The following HAUS7 variants were observed in gnomAD, a reference collection of about 807,000 sequenced individuals.
HAUS7 encodes HAUS augmin like complex subunit 7.
HAUS7 carries 3 observed loss-of-function variants against 28.4 expected under a neutral mutation model. That is an observed-to-expected ratio of 0.11 (90% CI 0.05 to 0.27). HAUS7 has a LOEUF of 0.27. Among genes scored for constraint, HAUS7 ranks in the 10% least tolerant of loss-of-function variants. The pLI is 1.00. For missense variants in HAUS7, 284 were observed against 297.3 expected, an observed-to-expected ratio of 0.96 and a Z score of 0.33; for synonymous variants, 165 against 132.1, an observed-to-expected ratio of 1.25 and a Z score of -1.71.
rs1427437757 is a variant in HAUS7, at chrX:153,483,560, C to T, written c.-589+11814G>A. On this transcript the variant is annotated intron_variant, in intron 1 of 5. Transcript: ENST00000370210. ...AGGCGGAGAGGGCAATGCTGAGCCA[C>T]GGAGCCCCAGAGAGGGCCAGGAGGC... 4.8e-6 allele frequency: 3 copies of T among 628,395 alleles called. No homozygotes were observed. The African/African-American group carries it at 7.4e-5, about 15-fold the overall frequency. 51.8% of individuals were successfully genotyped at this position (628,395 alleles called of 1,213,427 possible).
intron 9 of HAUS7, among the ~76,000 whole-genome samples, chrX:153,448,922 G>T (rs923013841): frequency 8.9e-6 from 1 of 112,989 alleles, no homozygotes; most frequent in Admixed American, 9.3e-5. Flanking sequence ...GGAGGCAGGG[G>T]CTGTCCTGAC....
At position 153,469,308 on chromosome X, in the gene HAUS7, C is replaced by T. The variant is rs373343195; in HGVS notation, c.109-47G>A. 4.6e-5 allele frequency: 26 copies of T among 570,968 alleles called. No individual in the cohort carries two copies. The African/African-American group carries it at 5.3e-4, about 12-fold the overall frequency. The allele number at this position is 570,968 out of a possible 1,213,427, so 47.1% of individuals were successfully genotyped here. On this transcript the variant is annotated intron_variant, in intron 1 of 9. Coordinates refer to ENST00000370211, the MANE Select transcript of HAUS7 (RefSeq NM_001385482.1). Reference sequence around the variant, plus strand: ...AACATTCACTGAAAGTCCCAGTGTACATCATTTCATTTTATTTATTTATTT... The same window carrying T: ...AACATTCACTGAAAGTCCCAGTGTATATCATTTCATTTTATTTATTTATTT...
At chrX:153,477,454 G>T (rs1006346701) in intron 1 of HAUS7, among the ~76,000 whole-genome samples, 1 of 113,479 alleles carries the variant, frequency 8.8e-6, no homozygotes, top group African/African-American at 3.2e-5. Flanking sequence ...CCTGGACCAG[G>T]AGGCAGGAGG....
chrX:153,448,156 C>A (rs917214560), intron 9 of HAUS7, among the ~76,000 whole-genome samples: 1 of 110,414 alleles, frequency 9.1e-6, no homozygotes, highest in African/African-American at 3.4e-5. Context: ...ATGTCCAACA[C>A]TGATAGACTG....
At chrX:153,451,054 G>A (rs113388178) in intron 9 of HAUS7, among the ~76,000 whole-genome samples, 144 of 112,403 alleles carry the variant, frequency 1.3e-3, no homozygotes, top group African/African-American at 4.3e-3. Flanking sequence ...GATGCCCGCC[G>A]TAGGCCTGCT....
intron 9 of HAUS7, among the ~76,000 whole-genome samples, chrX:153,448,356 G>T (rs2089191538): frequency 1.1e-5 from 1 of 89,734 alleles, no homozygotes; most frequent in African/African-American, 4.3e-5. Flanking sequence ...AGAACACTTG[G>T]ACACAGGAAG....
At chrX:153,464,754 C>T (rs1033567736) in intron 3 of HAUS7, among the ~76,000 whole-genome samples, 2 of 112,180 alleles carry the variant, frequency 1.8e-5, no homozygotes, top group Non-Finnish European at 3.8e-5. Flanking sequence ...CTGCTGGCAT[C>T]GGCAAAAATC....
At chrX:153,458,455 T>C (rs1457961491) in intron 4 of HAUS7, among the ~76,000 whole-genome samples, 1 of 113,007 alleles carries the variant, frequency 8.8e-6, no homozygotes, top group Non-Finnish European at 1.9e-5. Flanking sequence ...AGATGAGTAG[T>C]TGATTTCCTT....
intron 1 of HAUS7, among the ~76,000 whole-genome samples, chrX:153,477,644 C>G (rs2089570901): frequency 8.9e-6 from 1 of 112,713 alleles, no homozygotes; most frequent in Admixed American, 9.3e-5. Context: ...CGGCAGCTGC[C>G]CCCAGGCAGG....
chrX:153,486,591 G>C, intron 1 of HAUS7: 1 of 964,511 alleles, frequency 1.0e-6, no homozygotes, highest in African/African-American at 2.0e-5. Context: ...TCTTTCCGGG[G>C]TCTTCTCTCC....
At chrX:153,477,780 G>A (rs1422560688) in intron 1 of HAUS7, among the ~76,000 whole-genome samples, 1 of 112,364 alleles carries the variant, frequency 8.9e-6, no homozygotes, top group Non-Finnish European at 1.9e-5. Flanking sequence ...ACGTGGCAGG[G>A]TCCAAATTCA....
chrX:153,495,266 C>T (rs782766923), intron 1 of HAUS7: 2 of 112,019 alleles, frequency 1.8e-5, no homozygotes, highest in African/African-American at 6.5e-5. Context: ...GATCCACGCC[C>T]CTTCATCGCC....
chrX:153,490,429 A>G, intron 1 of HAUS7, among the ~76,000 whole-genome samples: 1 of 113,016 alleles, frequency 8.8e-6, no homozygotes. Flanking sequence ...GGAAGCTTCC[A>G]GAGAGTGGAG....
intron 5 of HAUS7, 157 bp downstream of exon 5, chrX:153,456,980 G>A (rs1157744119): frequency 8.6e-6 from 4 of 464,186 alleles, no homozygotes; most frequent in Non-Finnish European, 7.5e-6. Flanking sequence ...TTGCCCGTAT[G>A]CTGCCCGGCC....
At chrX:153,492,562 A>T (rs1036177422) in intron 1 of HAUS7, among the ~76,000 whole-genome samples, 8 of 111,836 alleles carry the variant, frequency 7.2e-5, no homozygotes, top group Non-Finnish European at 5.7e-5. Context: ...GCAGCCCCCA[A>T]CTTCAGGTAA....
At chrX:153,462,948 G>A in intron 3 of HAUS7, 1 of 438,864 alleles carries the variant, frequency 2.3e-6, no homozygotes. Flanking sequence ...GCAGCTGCCT[G>A]AGGAGTGGAC....
intron 1 of HAUS7, among the ~76,000 whole-genome samples, chrX:153,485,156 G>A (rs782059810): frequency 4.5e-5 from 5 of 111,716 alleles, no homozygotes; most frequent in Non-Finnish European, 9.4e-5. Context: ...CTCCACTATC[G>A]GACAGCGAGG....
Position 153,482,560 on chromosome X carries a change from G to A in HAUS7, c.-588-11415C>T. On this transcript the variant is annotated intron_variant, in intron 1 of 5. Transcript: ENST00000370210. Reference sequence around the variant, plus strand: ...CAAGGGGTGGGTCTGCCCTCTAGGAGGCACACTCGGGAGAGTGCCCAGGGC... The same window carrying A: ...CAAGGGGTGGGTCTGCCCTCTAGGAAGCACACTCGGGAGAGTGCCCAGGGC... 4.1e-6 allele frequency: 3 copies of A among 724,847 alleles called. No homozygotes were observed. In the South Asian group the frequency reaches 2.1e-4, roughly 51 times the overall value. The allele number at this position is 724,847 out of a possible 1,213,427, so 59.7% of individuals were successfully genotyped here.
upstream of HAUS7, chrX:153,470,679 T>C: frequency 1.2e-5 from 12 of 988,415 alleles, no homozygotes; most frequent in South Asian, 1.8e-4. Flanking sequence ...CGACCGACCC[T>C]TCCCATTGGG....
Sources: gnomAD v4.1 joint callset for allele counts (sites outside exome capture counted in the v4.1 genomes callset) on GRCh38, gnomAD v4.1.1 for gene constraint, MANE v1.5 for transcripts, NCBI Gene and HGNC (gene_info 2026-07-23, HGNC 2026-07-21) for gene names.